Variants in CTIF observed in about 807,000 individuals in gnomAD.
CTIF encodes CBP80/20-dependent translation initiation factor.
A neutral mutation model predicts 66.0 loss-of-function variants in CTIF; 21 were observed. That is an observed-to-expected ratio of 0.32 (90% CI 0.23 to 0.46). CTIF has a LOEUF of 0.46. CTIF is among the 20% of genes least tolerant of loss of function. The pLI is 1.00. For synonymous variants in CTIF, 345 were observed against 326.4 expected (o/e 1.06, Z -0.62); for missense variants, 739 against 812.7 (o/e 0.91, Z 1.10).
chr18:48,846,758 G>A (rs1180272589), intron 10 of CTIF, among the ~76,000 whole-genome samples: 1 of 151,612 alleles, frequency 6.6e-6, no homozygotes, highest in African/African-American at 2.4e-5. Context: ...TAGGTGAGTA[G>A]ATGGATGAAA....
chr18:48,626,811 A>C (rs936230875), intron 2 of CTIF, among the ~76,000 whole-genome samples: 2 of 151,942 alleles, frequency 1.3e-5, no homozygotes, highest in African/African-American at 4.8e-5. Context: ...GCCTGCCACC[A>C]TGCCTGGCTA....
At chr18:48,814,847 C>G (rs2068329309) in intron 9 of CTIF, among the ~76,000 whole-genome samples, 1 of 152,218 alleles carries the variant, frequency 6.6e-6, no homozygotes, top group African/African-American at 2.4e-5. Flanking sequence ...CTTGTGGTCC[C>G]TTTTCACCCT....
chr18:48,781,746 A>AGAG (rs1911249482), intron 9 of CTIF, among the ~76,000 whole-genome samples: 2 of 152,198 alleles, frequency 1.3e-5, no homozygotes, highest in Non-Finnish European at 2.9e-5. Flanking sequence ...TGGGGGCAGG[A>AGAG]GAGGAAGCAT....
At chr18:48,812,677 C>T (rs4363913) in intron 9 of CTIF, among the ~76,000 whole-genome samples, 1 of 150,894 alleles carries the variant, frequency 6.6e-6, no homozygotes, top group African/African-American at 2.4e-5. Flanking sequence ...TCACTTGAGC[C>T]TAAGAGGTCG....
At chr18:48,572,074 T>TTTC (rs2089428283) in intron 1 of CTIF, among the ~76,000 whole-genome samples, 1 of 151,260 alleles carries the variant, frequency 6.6e-6, no homozygotes, top group Admixed American at 6.6e-5. Flanking sequence ...CCCCTCACCG[T>TTTC]TCCTCCTCCT....
At chr18:48,771,760 G>A (rs554347179) in intron 9 of CTIF, among the ~76,000 whole-genome samples, 1 of 152,194 alleles carries the variant, frequency 6.6e-6, no homozygotes, top group South Asian at 2.1e-4. Flanking sequence ...CTTCCCCGGA[G>A]CCAGGCAGGC....
At chr18:48,681,792 G>C (rs1195152263) in intron 6 of CTIF, among the ~76,000 whole-genome samples, 3 of 151,922 alleles carry the variant, frequency 2.0e-5, no homozygotes, top group Non-Finnish European at 2.9e-5. Context: ...TTGTTTGTTT[G>C]TTTGTTTTTT....
rs202102275 is a variant in CTIF at position 48,664,901 on chromosome 18, GTTTC to G, written c.431+358_431+361del. ...CCGTAGGTGTGGACTGAGGCTGTGT[GTTTC>G]TTTCTTTTTTTTTTTTTTTTGAGAC... On this transcript the variant is annotated intron_variant, in intron 5 of 11. Coordinates refer to ENST00000256413, the MANE Select transcript of CTIF (RefSeq NM_014772.3). 1.1e-4 allele frequency among the ~76,000 whole-genome samples: 11 copies of G among 101,560 alleles called. 1 individual carries two copies. The highest frequency in any genetic ancestry group is 1.4e-4 in the Admixed American group (1 of 6,914). The allele number at this position is 101,560 out of a possible 152,430, so 66.6% of individuals were successfully genotyped here. A position where few individuals can be genotyped will look rare whatever the true frequency, so the allele number is the denominator to read the frequency against.
In CTIF at chr18:48,671,215, G is replaced by T. The variant is rs527795904; in HGVS notation, c.507+471G>T. Among the ~76,000 whole-genome samples, 4 of 152,100 alleles carry T rather than the reference G, an allele frequency of 2.6e-5. No individual in the cohort carries two copies. The South Asian group carries it at 8.3e-4, about 32-fold the overall frequency. On this transcript the variant is annotated intron_variant, in intron 6 of 11. Coordinates refer to ENST00000256413, the MANE Select transcript of CTIF (RefSeq NM_014772.3). ...TGCTTGCTCTTTTTTTTATTGATTG[G>T]GCCTCTTTCCTGGAATCAGGCCAGG...
intron 6 of CTIF, among the ~76,000 whole-genome samples, chr18:48,676,664 T>C (rs1193087547): frequency 6.6e-6 from 1 of 151,876 alleles, no homozygotes; most frequent in Non-Finnish European, 1.5e-5. Flanking sequence ...GCATTCCCCA[T>C]TGAGGGTCCC....
chr18:48,679,613 A>G lies in CTIF; in HGVS notation c.507+8869A>G, dbSNP rs893323891. ...TGTTGGGGGAGTCTTCTGCTCACCC[A>G]TTTCTCTTTCCTCTTATGTCCTTCC... On this transcript the variant is annotated intron_variant, in intron 6 of 11. Coordinates refer to ENST00000256413, the MANE Select transcript of CTIF (RefSeq NM_014772.3). Among the ~76,000 whole-genome samples the G allele has an allele frequency of 7.2e-5, 11 of 152,104 alleles. No individual in the cohort carries two copies. In the South Asian group the frequency reaches 1.0e-3, roughly 14 times the overall value.
At chr18:48,658,505 TGTA>T (rs1407318424) in intron 3 of CTIF, among the ~76,000 whole-genome samples, 1 of 152,122 alleles carries the variant, frequency 6.6e-6, no homozygotes, top group East Asian at 1.9e-4. Context: ...CATGTATGTG[TGTA>T]GTATATACAT....
intron 9 of CTIF, among the ~76,000 whole-genome samples, chr18:48,772,415 C>T (rs1311092820): frequency 6.6e-6 from 1 of 151,250 alleles, no homozygotes; most frequent in African/African-American, 2.5e-5. Context: ...CCATGACCAT[C>T]CCCCGGCACC....
intron 1 of CTIF, among the ~76,000 whole-genome samples, chr18:48,580,177 GCCAAT>G (rs2089623194): frequency 6.6e-6 from 1 of 152,308 alleles, no homozygotes; most frequent in Admixed American, 6.5e-5. Context: ...CCAAGTGGAA[GCCAAT>G]TTACCAGAAA....
chr18:48,758,515 G>A (rs1908644886), intron 8 of CTIF, 110 bp downstream of exon 8: 1 of 1,374,632 alleles, frequency 7.3e-7, no homozygotes, highest in Non-Finnish European at 9.8e-7. Flanking sequence ...AGGGTCTAGG[G>A]AGCCATGTAC....
At chr18:48,658,368 TGTA>T (rs1395667499) in intron 3 of CTIF, among the ~76,000 whole-genome samples, 1 of 152,112 alleles carries the variant, frequency 6.6e-6, no homozygotes, top group African/African-American at 2.4e-5. Context: ...CACATATAGT[TGTA>T]GTATACATGT....
intron 10 of CTIF, 42 bp from the exon 11 acceptor site, chr18:48,857,546 C>A (rs2069358613): frequency 6.4e-7 from 1 of 1,574,276 alleles, no homozygotes; most frequent in African/African-American, 1.4e-5. Flanking sequence ...CAGTAGCCGG[C>A]ATGTCTCCTT....
At position 48,792,985 on chromosome 18, in the gene CTIF, T is replaced by C. The variant is rs574159435; in HGVS notation, c.1372-24236T>C. 1.1e-4 allele frequency among the ~76,000 whole-genome samples: 16 copies of C among 152,298 alleles called. 1 individual carries two copies. In the South Asian group the frequency reaches 3.3e-3, roughly 32 times the overall value. On this transcript the variant is annotated intron_variant, in intron 9 of 11. Coordinates refer to ENST00000256413, the MANE Select transcript of CTIF (RefSeq NM_014772.3). ...TGCTATTAGGTGGTATTTAAAACCA[T>C]GAGACAGGATGCCATCTCCAGAGGA...
rs1026437910 is a variant in CTIF, at chr18:48,863,064, A to G, written c.*3505A>G. 5.9e-5 allele frequency: 9 copies of G among 152,208 alleles called. No individual in the cohort carries two copies. The highest frequency in any genetic ancestry group is 1.2e-4 in the African/African-American group (5 of 41,528). 9.4% of individuals were successfully genotyped at this position (152,208 alleles called of 1,614,324 possible). A position where few individuals can be genotyped will look rare whatever the true frequency, so the allele number is the denominator to read the frequency against. On this transcript the variant is annotated 3_prime_UTR_variant, in exon 12 of 12. Transcript: ENST00000256413. Reference sequence around the variant, plus strand: ...CGGCTGGGAGTGGACGACAGGACCTACCTCCCCAGAGCAAGGGCCTGGGGC... The same window carrying G: ...CGGCTGGGAGTGGACGACAGGACCTGCCTCCCCAGAGCAAGGGCCTGGGGC...
Sources: gnomAD v4.1 joint callset for allele counts (sites outside exome capture counted in the v4.1 genomes callset) on GRCh38, gnomAD v4.1.1 for gene constraint, MANE v1.5 for transcripts, NCBI Gene and HGNC (gene_info 2026-07-23, HGNC 2026-07-21) for gene names.